The following SLC35A5 variants were observed in gnomAD, a reference collection of about 807,000 sequenced individuals.
SLC35A5 encodes the protein solute carrier family 35 member A5.
A neutral mutation model predicts 36.3 loss-of-function variants in SLC35A5; 28 were observed. The observed-to-expected ratio is 0.77, with a 90% CI of 0.57 to 1.06. The LOEUF is 1.06. Ranked by LOEUF, SLC35A5 falls within the 50% of genes least tolerant of loss-of-function variation. The probability of loss-of-function intolerance (pLI) is 0.00; values close to 1 mark genes in which losing one functional copy is unlikely to be tolerated. For synonymous variants in SLC35A5, 180 were observed against 173.7 expected, an observed-to-expected ratio of 1.04 and a Z score of -0.29; for missense variants, 521 against 499.3, an observed-to-expected ratio of 1.04 and a Z score of -0.41.
Position 112,573,838 on chromosome 3 carries a change from T to C in SLC35A5, c.361-51T>C, listed in dbSNP as rs374703567. On this transcript the variant is annotated intron_variant, in intron 4 of 6. Coordinates refer to ENST00000492406, the MANE Select transcript of SLC35A5 (RefSeq NM_017945.5). ...GTGAACTGCCAAGCTAAGACATTTC[T>C]GAGGTCAGTACTTCATTTGGATTGT... 10 of 1,477,594 alleles carry C rather than the reference T, an allele frequency of 6.8e-6. No homozygotes were observed. In the African/African-American group the frequency reaches 1.3e-4, roughly 19 times the overall value. The allele number at this position is 1,477,594 out of a possible 1,614,324, so 91.5% of individuals were successfully genotyped here.
At chr3:112,567,490 CACCATGTTGACCAGACGTGGTTTT>C (rs1232047925) in intron 2 of SLC35A5, among the ~76,000 whole-genome samples, 2 of 152,104 alleles carry the variant, frequency 1.3e-5, no homozygotes, top group East Asian at 1.9e-4. Context: ...TACGTGGTTT[CACCATGTTGACCAGACGTGGTTTT>C]ACCATGTTGG....
At position 112,582,860 on chromosome 3, in the gene SLC35A5, T is replaced by C; in HGVS notation, c.*124T>C. On this transcript the variant is annotated 3_prime_UTR_variant, in exon 7 of 7. Coordinates refer to ENST00000492406, the MANE Select transcript of SLC35A5 (RefSeq NM_017945.5). ...TAAATCCTAATATTCTTTGCATATATCTAGCTACTCCCTAAATGGTTCCAT... is the reference window on the plus strand; with the variant it reads ...TAAATCCTAATATTCTTTGCATATACCTAGCTACTCCCTAAATGGTTCCAT... The C allele has an allele frequency of 1.3e-6, 1 of 791,014 alleles. No individual in the cohort carries two copies. The highest frequency in any genetic ancestry group is 2.0e-6 in the Non-Finnish European group (1 of 493,834). The allele number at this position is 791,014 out of a possible 1,614,324, so 49.0% of individuals were successfully genotyped here. A position where few individuals can be genotyped will look rare whatever the true frequency, so the allele number is the denominator to read the frequency against.
At chr3:112,581,535 C>A (rs1399053383) in intron 6 of SLC35A5, among the ~76,000 whole-genome samples, 3 of 152,162 alleles carry the variant, frequency 2.0e-5, no homozygotes, top group African/African-American at 7.2e-5. Context: ...AAGTATAAGT[C>A]AATCTCAAGG....
At chr3:112,564,359 TAAAC>T (rs1934092008) in intron 2 of SLC35A5, 1 of 152,190 alleles carries the variant, frequency 6.6e-6, no homozygotes, top group Admixed American at 6.5e-5. Context: ...CTCTGCATCA[TAAAC>T]AAGGTAAAGA....
chr3:112,574,032 A>G (rs1443986125), intron 5 of SLC35A5, 76 bp downstream of exon 5: 3 of 1,277,312 alleles, frequency 2.3e-6, no homozygotes, highest in Non-Finnish European at 3.4e-6. Context: ...TACCCAGAAC[A>G]CTGAGCCGTC....
intron 6 of SLC35A5, 119 bp downstream of exon 6, chr3:112,581,445 T>C (rs1934922575): frequency 1.9e-6 from 2 of 1,042,410 alleles, no homozygotes; most frequent in Non-Finnish European, 1.4e-6. Flanking sequence ...TCTCTGACTT[T>C]TAAAACCGAA....
chr3:112,561,834 A>T (rs1559852063), upstream of SLC35A5: 2 of 381,806 alleles, frequency 5.2e-6, no homozygotes, highest in Non-Finnish European at 4.7e-6. Context: ...TGAGAAGCGG[A>T]CGCACACGCA....
intron 5 of SLC35A5, among the ~76,000 whole-genome samples, chr3:112,574,446 G>T (rs954202135): frequency 6.6e-6 from 1 of 152,130 alleles, no homozygotes; most frequent in Non-Finnish European, 1.5e-5. Flanking sequence ...AGTTAAGAAG[G>T]ATAGTTTTTT....
At chr3:112,581,516 G>A (rs1405559991) in intron 6 of SLC35A5, among the ~76,000 whole-genome samples, 190 bp downstream of exon 6, 1 of 152,166 alleles carries the variant, frequency 6.6e-6, no homozygotes, top group Non-Finnish European at 1.5e-5. Context: ...GCTGTCAGGT[G>A]TAGAGAAAAA....
In SLC35A5 at chr3:112,563,420, G is replaced by A; in HGVS notation, c.17G>A (p.Cys6Tyr). Reference sequence around the variant, plus strand: ...AACAGTGGAATGGAAAAACAGTGCTGTAGTCATCCTGTAATATGCTCCTTG... The same window carrying A: ...AACAGTGGAATGGAAAAACAGTGCTATAGTCATCCTGTAATATGCTCCTTG... MEKQCCSHPVICSLST... is the reference protein window; with the variant it reads MEKQCYSHPVICSLST... Residue 6 changes from cysteine to tyrosine, a missense_variant, in exon 2 of 7, where the codon TGT (cysteine) becomes TAT (tyrosine). Cys to Tyr is a radical substitution (Grantham distance 194, BLOSUM62 -2). Coordinates refer to ENST00000492406, the MANE Select transcript of SLC35A5 (RefSeq NM_017945.5). The A allele has an allele frequency of 1.3e-6, 2 of 1,573,168 alleles. No individual in the cohort carries two copies. The highest frequency in any genetic ancestry group is 1.1e-5 in the South Asian group (1 of 87,476).
chr3:112,571,923 G>GTTTTT (rs58561218), intron 4 of SLC35A5, among the ~76,000 whole-genome samples: 2 of 53,854 alleles, frequency 3.7e-5, no homozygotes, highest in African/African-American at 7.0e-5. Context: ...ACTTTCCACA[G>GTTTTT]TTTTTTTTTT....
rs1222640578 is a variant in SLC35A5, at chr3:112,570,563, T to A, written c.253T>A (p.Tyr85Asn). The A allele has an allele frequency of 6.2e-7, 1 of 1,607,602 alleles. No homozygotes were observed. Among genetic ancestry groups the A allele is most frequent in the Admixed American group, 1.7e-5 (1 of 58,302 alleles). ...AGATCATCAAAGTAGAAATTTGAAA[T>A]ATGCTTCCTGGAAGGAATTCTCTGA... ...KKDHQSRNLK[Y>N]ASWKEFSDFM... The change falls in exon 4 of 7, where the codon TAT (tyrosine) becomes AAT (asparagine). Residue 85 changes from tyrosine (Y) to asparagine (N), a missense_variant. Tyr to Asn is a moderately radical substitution (Grantham distance 143). Transcript: ENST00000492406.
Position 112,580,583 on chromosome 3 carries a change from A to G in SLC35A5, c.466A>G (p.Thr156Ala). 1 of 1,613,836 alleles carries G rather than the reference A, an allele frequency of 6.2e-7. No homozygotes were observed. The change falls in exon 6 of 7, where the codon ACT (threonine) becomes GCT (alanine). Residue 156 changes from threonine (T) to alanine (A), a missense_variant. Thr to Ala is a moderately conservative substitution (Grantham distance 58, BLOSUM62 0). Coordinates refer to ENST00000492406, the MANE Select transcript of SLC35A5 (RefSeq NM_017945.5). ...LNWIQWASLL[T>A]LFLSIVALTA... is the part of the protein sequence containing the mutation. ...CTGGATCCAGTGGGCTTCCCTCCTG[A>G]CTTTATTTTTGTCTATTGTGGCCTT...
chr3:112,582,052 A>T (rs1056057986), intron 6 of SLC35A5, among the ~76,000 whole-genome samples: 1 of 152,224 alleles, frequency 6.6e-6, no homozygotes, highest in Non-Finnish European at 1.5e-5. Flanking sequence ...AGTTAAATAT[A>T]CGTTTAAATA....
Position 112,581,204 on chromosome 3 carries a change from GC to G in SLC35A5, c.1091del (p.Pro364HisfsTer30), listed in dbSNP as rs1311715319. On this transcript the variant is annotated frameshift_variant, in exon 6 of 7. Coordinates refer to ENST00000492406, the MANE Select transcript of SLC35A5 (RefSeq NM_017945.5). LOFTEE classifies it high-confidence loss of function. The part of the protein sequence containing the change: ...FRPSLEFFLE[A>X]PSVLLSIFIY... ...GCCCTCCCTGGAATTTTTCTTGGAAGCCCCATCAGTCCTTCTCTCTATATTT... is the reference window on the plus strand; with the variant it reads ...GCCCTCCCTGGAATTTTTCTTGGAAGCCCATCAGTCCTTCTCTCTATATTT... 1 of 1,613,716 alleles carries G rather than the reference GC, an allele frequency of 6.2e-7. No homozygotes were observed. Among genetic ancestry groups the G allele is most frequent in the East Asian group, 2.2e-5 (1 of 44,878 alleles).
At position 112,583,065 on chromosome 3, in the gene SLC35A5, T is replaced by G. The variant is rs557078417; in HGVS notation, c.*329T>G. On this transcript the variant is annotated 3_prime_UTR_variant, in exon 7 of 7. Transcript: ENST00000492406. ...ATAATCATGTTAGCTATAGCTTGTA[T>G]ATACACATAGAGATCAATTTGCCAA... The G allele has an allele frequency of 2.3e-5, 10 of 430,472 alleles. No individual in the cohort carries two copies. In the East Asian group the frequency reaches 3.4e-4, roughly 15 times the overall value. The allele number at this position is 430,472 out of a possible 1,614,324, so 26.7% of individuals were successfully genotyped here. A position where few individuals can be genotyped will look rare whatever the true frequency, so the allele number is the denominator to read the frequency against.
At chr3:112,580,487 A>G in intron 5 of SLC35A5, 59 bp from the exon 6 acceptor site, 1 of 1,498,006 alleles carries the variant, frequency 6.7e-7, no homozygotes, top group East Asian at 2.3e-5. Context: ...AGTTTTCAGT[A>G]GAAACTATTG....
intron 5 of SLC35A5, among the ~76,000 whole-genome samples, chr3:112,575,621 T>C (rs1420513934): frequency 6.6e-6 from 1 of 152,154 alleles, no homozygotes; most frequent in Non-Finnish European, 1.5e-5. Context: ...TACTTTCTTA[T>C]TTTCAGAGGA....
chr3:112,569,290 A>G lies in SLC35A5; in HGVS notation c.229+21A>G, dbSNP rs954503019. The G allele has an allele frequency of 5.0e-6, 8 of 1,589,350 alleles. 1 individual carries two copies. In the Middle Eastern group the frequency reaches 6.7e-4, roughly 133 times the overall value. ...GAAAGGTAAGTCTTGAAATGGTACTATATACTTGTTAATCATAGGACCAAA... is the reference window on the plus strand; with the variant it reads ...GAAAGGTAAGTCTTGAAATGGTACTGTATACTTGTTAATCATAGGACCAAA... On this transcript the variant is annotated intron_variant, in intron 3 of 6. Transcript: ENST00000492406.
Sources: gnomAD v4.1 joint callset for allele counts (sites outside exome capture counted in the v4.1 genomes callset) on GRCh38, gnomAD v4.1.1 for gene constraint, MANE v1.5 for transcripts, NCBI Gene and HGNC (gene_info 2026-07-23, HGNC 2026-07-21) for gene names.